ANO2: variants seen among roughly 807,000 people sequenced by gnomAD.
ANO2 encodes the protein anoctamin-2.
A neutral mutation model predicts 124.2 loss-of-function variants in ANO2; 101 were observed. That is an observed-to-expected ratio of 0.81 (90% CI 0.69 to 0.96). The LOEUF (loss-of-function observed/expected upper bound fraction) is 0.96. Among genes scored for constraint, ANO2 ranks in the 40% least tolerant of loss-of-function variants. ANO2 has a pLI of 0.00. For missense variants in ANO2, 1,293 were observed against 1,274.5 expected, an observed-to-expected ratio of 1.01 and a Z score of -0.22; for synonymous variants, 486 against 482.5, an observed-to-expected ratio of 1.01 and a Z score of -0.09.
At chr12:5,836,903 A>T (rs1270592181) in intron 4 of ANO2, 2 of 154,344 alleles carry the variant, frequency 1.3e-5, no homozygotes, top group African/African-American at 4.8e-5. Context: ...TATTTGAGTG[A>T]TTGATGAATG....
At chr12:5,637,165 TC>T (rs1394859251) in intron 15 of ANO2, among the ~76,000 whole-genome samples, 3 of 152,114 alleles carry the variant, frequency 2.0e-5, no homozygotes, top group South Asian at 2.1e-4. Context: ...ATCACCCCTC[TC>T]CAACAATGTA....
intron 16 of ANO2, among the ~76,000 whole-genome samples, chr12:5,626,996 C>T (rs3825281): frequency 0.31 from 46,516 of 152,040 alleles, 8,002 homozygotes; most frequent in East Asian, 0.49. Context: ...AAGGACTTTG[C>T]AGGGAAATGA....
intron 14 of ANO2, among the ~76,000 whole-genome samples, chr12:5,731,593 C>T (rs527766357): frequency 6.9e-6 from 1 of 144,812 alleles, no homozygotes; most frequent in African/African-American, 2.4e-5. Flanking sequence ...AAACTCTCCT[C>T]TCTCTCTCTC....
intron 10 of ANO2, among the ~76,000 whole-genome samples, chr12:5,782,963 A>C (rs1156844765): frequency 6.6e-6 from 1 of 152,226 alleles, no homozygotes; most frequent in Non-Finnish European, 1.5e-5. Flanking sequence ...CCAATCTACC[A>C]CTTTAAATGG....
At chr12:5,922,999 C>T (rs1468218024) in intron 1 of ANO2, among the ~76,000 whole-genome samples, 195 bp from the exon 2 acceptor site, 3 of 151,956 alleles carry the variant, frequency 2.0e-5, no homozygotes, top group Non-Finnish European at 2.9e-5. Context: ...GAAGTGCGGC[C>T]CCCCGACTGC....
At chr12:5,879,990 G>T (rs6489668) in intron 3 of ANO2, among the ~76,000 whole-genome samples, 2 of 151,792 alleles carry the variant, frequency 1.3e-5, no homozygotes, top group Admixed American at 6.6e-5. Flanking sequence ...AATCACACAA[G>T]GGTAGATAGT....
intron 3 of ANO2, among the ~76,000 whole-genome samples, chr12:5,877,711 A>T (rs1938202902): frequency 6.6e-6 from 1 of 152,216 alleles, no homozygotes; most frequent in Non-Finnish European, 1.5e-5. Context: ...TTCTTGGAAG[A>T]CCATTTTTGC....
At chr12:5,840,669 G>T (rs1403708635) in intron 4 of ANO2, among the ~76,000 whole-genome samples, 1 of 152,182 alleles carries the variant, frequency 6.6e-6, no homozygotes, top group Non-Finnish European at 1.5e-5. Context: ...AGGCCTAAGA[G>T]TGTCTCTCCC....
At chr12:5,627,260 C>A (rs796324563) in intron 16 of ANO2, among the ~76,000 whole-genome samples, 1 of 152,172 alleles carries the variant, frequency 6.6e-6, no homozygotes, top group African/African-American at 2.4e-5. Flanking sequence ...TAGAATCCCC[C>A]CTGGCCAGAC....
intron 14 of ANO2, among the ~76,000 whole-genome samples, chr12:5,684,392 C>T (rs1948622050): frequency 1.3e-5 from 2 of 152,148 alleles, no homozygotes; most frequent in South Asian, 2.1e-4. Context: ...ATGGAGAAGT[C>T]GATCATGCAG....
At chr12:5,800,345 T>C (rs1807316055) in intron 9 of ANO2, among the ~76,000 whole-genome samples, 1 of 152,212 alleles carries the variant, frequency 6.6e-6, no homozygotes, top group South Asian at 2.1e-4. Flanking sequence ...AATCTTTGTA[T>C]CAACACTGGA....
intron 13 of ANO2, among the ~76,000 whole-genome samples, chr12:5,737,490 A>G (rs1024964244): frequency 6.6e-6 from 1 of 152,236 alleles, no homozygotes; most frequent in Non-Finnish European, 1.5e-5. Flanking sequence ...TGGAGAGACT[A>G]TGTTTACACT....
rs564432617 is a variant in ANO2, at chr12:5,673,530, T to TAA, written c.1546-25731_1546-25730dup. The stretch of plus-strand genomic sequence containing the variant: ...GGTAAACTTTGAGCCCTTTGCTCTT[T>TAA]AAGTGAATAAAATGGCCTAACTGTA... On this transcript the variant is annotated intron_variant, in intron 14 of 24. Coordinates refer to ENST00000682330, the MANE Select transcript of ANO2 (RefSeq NM_001364791.2). 2.5e-3 allele frequency among the ~76,000 whole-genome samples: 381 copies of TAA among 152,356 alleles called. 2 individuals carry two copies. Among genetic ancestry groups the TAA allele is most frequent in the African/African-American group, 8.8e-3 (364 of 41,576 alleles).
At chr12:5,896,167 G>C (rs12317039) in intron 3 of ANO2, among the ~76,000 whole-genome samples, 1 of 152,006 alleles carries the variant, frequency 6.6e-6, no homozygotes, top group Non-Finnish European at 1.5e-5. Context: ...ATTGGGTACA[G>C]TGTACACTGC....
At chr12:5,592,824 C>T (rs1037432010) in intron 20 of ANO2, among the ~76,000 whole-genome samples, 2 of 152,158 alleles carry the variant, frequency 1.3e-5, no homozygotes, top group Admixed American at 6.5e-5. Flanking sequence ...TTAGGGTTCA[C>T]GCAAAGTCAG....
intron 20 of ANO2, among the ~76,000 whole-genome samples, chr12:5,587,224 A>G (rs1943159671): frequency 6.6e-6 from 1 of 152,230 alleles, no homozygotes; most frequent in African/African-American, 2.4e-5. Flanking sequence ...CACCCTCAAG[A>G]AGCTTCCATC....
At chr12:5,839,347 GAACA>G (rs1430163630) in intron 4 of ANO2, among the ~76,000 whole-genome samples, 1 of 152,122 alleles carries the variant, frequency 6.6e-6, no homozygotes, top group Non-Finnish European at 1.5e-5. Flanking sequence ...GTCTGAAAGG[GAACA>G]GCACTTATGC....
chr12:5,745,614 T>G (rs1194975647), intron 11 of ANO2, among the ~76,000 whole-genome samples: 1 of 152,194 alleles, frequency 6.6e-6, no homozygotes, highest in Non-Finnish European at 1.5e-5. Context: ...GCAGATTTAC[T>G]GAGGGCTGCC....
chr12:5,807,447 G>C, intron 7 of ANO2, 79 bp from the exon 8 acceptor site: 2 of 1,209,498 alleles, frequency 1.7e-6, no homozygotes, highest in Non-Finnish European at 2.3e-6. Flanking sequence ...TGATAAATAA[G>C]CTTTCACATG....
Sources: gnomAD v4.1 joint callset for allele counts (sites outside exome capture counted in the v4.1 genomes callset) on GRCh38, gnomAD v4.1.1 for gene constraint, MANE v1.5 for transcripts, NCBI Gene and HGNC (gene_info 2026-07-23, HGNC 2026-07-21) for gene names.